SLC24A3: variants seen among roughly 807,000 people sequenced by gnomAD.
SLC24A3 encodes the protein solute carrier family 24 member 3.
SLC24A3 carries 28 observed loss-of-function variants against 75.8 expected under a neutral mutation model. That is an observed-to-expected ratio of 0.37 (90% CI 0.27 to 0.51). The LOEUF (loss-of-function observed/expected upper bound fraction) is 0.51. Among genes scored for constraint, SLC24A3 ranks in the 20% least tolerant of loss-of-function variants. The pLI, the probability that SLC24A3 is intolerant of heterozygous loss-of-function variation, is 0.94. For missense variants in SLC24A3, 663 were observed against 847.8 expected, an observed-to-expected ratio of 0.78 and a Z score of 2.71; for synonymous variants, 372 against 334.1, an observed-to-expected ratio of 1.11 and a Z score of -1.24.
At chr20:19,278,325 A>C (rs1271547711) in intron 1 of SLC24A3, among the ~76,000 whole-genome samples, 1 of 152,140 alleles carries the variant, frequency 6.6e-6, no homozygotes, top group African/African-American at 2.4e-5. Context: ...AACTGACTTA[A>C]AGTGCACCTA....
intron 2 of SLC24A3, among the ~76,000 whole-genome samples, chr20:19,484,687 G>T (rs1021148066): frequency 3.9e-4 from 59 of 152,278 alleles, no homozygotes; most frequent in African/African-American, 1.4e-3. Flanking sequence ...GGTCCGGGGG[G>T]AGGCAGGAAT....
intron 2 of SLC24A3, among the ~76,000 whole-genome samples, chr20:19,319,165 A>T (rs1237849481): frequency 6.6e-6 from 1 of 152,174 alleles, no homozygotes; most frequent in Non-Finnish European, 1.5e-5. Context: ...GGGAAGTAGA[A>T]ATAGAAGATC....
chr20:19,709,873 C>T (rs2032971204), intron 15 of SLC24A3, among the ~76,000 whole-genome samples: 1 of 152,176 alleles, frequency 6.6e-6, no homozygotes, highest in South Asian at 2.1e-4. Context: ...ACCCACTTTG[C>T]ATATTTCATG....
At chr20:19,681,401 C>T (rs1181984459) in intron 9 of SLC24A3, among the ~76,000 whole-genome samples, 1 of 152,198 alleles carries the variant, frequency 6.6e-6, no homozygotes, top group Non-Finnish European at 1.5e-5. Flanking sequence ...GCCACTGTTC[C>T]TGGGGAGTGG....
chr20:19,492,201 A>G (rs532987888), intron 2 of SLC24A3, among the ~76,000 whole-genome samples: 1 of 152,290 alleles, frequency 6.6e-6, no homozygotes, highest in South Asian at 2.1e-4. Context: ...CTTCTTTACT[A>G]TACTCTAAAG....
chr20:19,399,081 G>A (rs1311357006), intron 2 of SLC24A3, among the ~76,000 whole-genome samples: 1 of 152,072 alleles, frequency 6.6e-6, no homozygotes, highest in African/African-American at 2.4e-5. Context: ...TAAGGTTGTT[G>A]AAATATCTAC....
chr20:19,227,358 G>A (rs1281453556), intron 1 of SLC24A3, among the ~76,000 whole-genome samples: 1 of 147,018 alleles, frequency 6.8e-6, no homozygotes, highest in African/African-American at 2.5e-5. Flanking sequence ...TATATATTTT[G>A]TTTTACTTTG....
At chr20:19,616,620 G>A (rs1421840196) in intron 6 of SLC24A3, among the ~76,000 whole-genome samples, 1 of 152,124 alleles carries the variant, frequency 6.6e-6, no homozygotes, top group Non-Finnish European at 1.5e-5. Flanking sequence ...TGAATGAAAA[G>A]TTTCCATGGT....
chr20:19,532,466 G>T (rs1476441557), intron 3 of SLC24A3, among the ~76,000 whole-genome samples: 1 of 152,232 alleles, frequency 6.6e-6, no homozygotes, highest in East Asian at 1.9e-4. Context: ...TCTTGGAAAT[G>T]AGCCCGGCTG....
chr20:19,564,380 C>T (rs190584961), intron 3 of SLC24A3, among the ~76,000 whole-genome samples: 1 of 152,302 alleles, frequency 6.6e-6, no homozygotes, highest in African/African-American at 2.4e-5. Context: ...ACCATCATCA[C>T]TATCATCATC....
intron 2 of SLC24A3, among the ~76,000 whole-genome samples, chr20:19,315,791 C>T (rs952604339): frequency 3.9e-5 from 6 of 152,192 alleles, no homozygotes; most frequent in Admixed American, 1.3e-4. Flanking sequence ...TGTACATAAA[C>T]GTAGGTGCTC....
chr20:19,351,668 G>A (rs1985569005), intron 2 of SLC24A3, among the ~76,000 whole-genome samples: 1 of 152,114 alleles, frequency 6.6e-6, no homozygotes. Context: ...AGTTGGACTG[G>A]AGGTTTGGCT....
chr20:19,321,426 C>T (rs1984703876), intron 2 of SLC24A3, among the ~76,000 whole-genome samples: 2 of 152,022 alleles, frequency 1.3e-5, no homozygotes, highest in Admixed American at 6.6e-5. Flanking sequence ...AGGCAACAGG[C>T]AGAGGAAAAA....
At chr20:19,579,914 A>G (rs2031195215) in intron 3 of SLC24A3, 86 bp from the exon 4 acceptor site, 4 of 972,410 alleles carry the variant, frequency 4.1e-6, no homozygotes, top group Admixed American at 1.8e-5. Flanking sequence ...GACAGAAGAC[A>G]TTATCAAAGC....
intron 2 of SLC24A3, among the ~76,000 whole-genome samples, chr20:19,317,136 G>C (rs1229848828): frequency 1.3e-5 from 2 of 152,078 alleles, no homozygotes; most frequent in Non-Finnish European, 2.9e-5. Context: ...TTAAAAACTG[G>C]ACTCCTTCCT....
chr20:19,528,499 G>T (rs529744492), intron 3 of SLC24A3, among the ~76,000 whole-genome samples: 1 of 152,054 alleles, frequency 6.6e-6, no homozygotes, highest in South Asian at 2.1e-4. Context: ...CTTGGAAATC[G>T]CCAAGCACAT....
chr20:19,448,542 C>T (rs117458490), intron 2 of SLC24A3, among the ~76,000 whole-genome samples: 2 of 152,292 alleles, frequency 1.3e-5, no homozygotes, highest in Non-Finnish European at 2.9e-5. Flanking sequence ...TACCATTTGT[C>T]CTTTTCTCCC....
intron 2 of SLC24A3, among the ~76,000 whole-genome samples, chr20:19,353,059 G>T (rs1363467982): frequency 6.6e-6 from 1 of 152,210 alleles, no homozygotes; most frequent in African/African-American, 2.4e-5. Flanking sequence ...TGCTATACAG[G>T]TTTGTAGCCT....
chr20:19,320,598 C>A (rs1191966411), intron 2 of SLC24A3, among the ~76,000 whole-genome samples: 1 of 152,040 alleles, frequency 6.6e-6, no homozygotes, highest in Non-Finnish European at 1.5e-5. Flanking sequence ...TGTTACATTA[C>A]GTTACACATA....
Sources: allele counts gnomAD v4.1 joint callset (sites outside exome capture counted in the v4.1 genomes callset), GRCh38; gene constraint gnomAD v4.1.1; transcripts MANE v1.5; gene names NCBI Gene and HGNC (gene_info 2026-07-23, HGNC 2026-07-21).